Variants in TTC23L observed in about 807,000 individuals in gnomAD.
TTC23L encodes the protein tetratricopeptide repeat domain 23 like.
TTC23L carries 42 observed loss-of-function variants against 48.1 expected under a neutral mutation model. The observed-to-expected ratio is 0.87, with a 90% CI of 0.68 to 1.13. The LOEUF is 1.13. Among genes scored for constraint, TTC23L ranks in the 50% most tolerant of loss-of-function variants. The pLI, the probability that TTC23L is intolerant of heterozygous loss-of-function variation, is 0.00. For missense variants in TTC23L, 391 were observed against 421.0 expected (o/e 0.93, Z 0.62); for synonymous variants, 159 against 157.2 (o/e 1.01, Z -0.09).
intron 9 of TTC23L, among the ~76,000 whole-genome samples, chr5:34,890,973 CCT>C (rs1159385556): frequency 1.8e-4 from 27 of 152,240 alleles, no homozygotes; most frequent in Middle Eastern, 6.8e-3. Flanking sequence ...ACTCCCTCAG[CCT>C]CTGTTTATTC....
intron 9 of TTC23L, among the ~76,000 whole-genome samples, chr5:34,889,233 C>T (rs910511781): frequency 3.9e-5 from 6 of 152,206 alleles, no homozygotes; most frequent in Admixed American, 3.3e-4. Flanking sequence ...CACAAATACC[C>T]GGTGTGATAG....
chr5:34,893,279 G>T (rs1224575321), intron 9 of TTC23L, among the ~76,000 whole-genome samples: 1 of 152,174 alleles, frequency 6.6e-6, no homozygotes, highest in Non-Finnish European at 1.5e-5. Context: ...TTGGCAAGAG[G>T]AATAATCTTG....
chr5:34,857,619 TACTC>T (rs1236383672), intron 4 of TTC23L, among the ~76,000 whole-genome samples: 1 of 152,194 alleles, frequency 6.6e-6, no homozygotes, highest in Non-Finnish European at 1.5e-5. Flanking sequence ...TATAGTAAAT[TACTC>T]AATAAGAGAA....
At chr5:34,896,315 G>A (rs1763222172) in intron 9 of TTC23L, among the ~76,000 whole-genome samples, 1 of 152,154 alleles carries the variant, frequency 6.6e-6, no homozygotes, top group Non-Finnish European at 1.5e-5. Flanking sequence ...CAAAAGGCTG[G>A]GTTTGGTGGA....
At chr5:34,881,794 C>T (rs1762241241) in intron 9 of TTC23L, among the ~76,000 whole-genome samples, 1 of 143,394 alleles carries the variant, frequency 7.0e-6, no homozygotes, top group Non-Finnish European at 1.5e-5. Context: ...GAGACAGAGT[C>T]ACTCTGTTGC....
rs139187323 is a variant in TTC23L, at chr5:34,896,945, G to A, written c.*97+70G>A. The A allele has an allele frequency of 7.4e-4, 463 of 623,390 alleles. 5 individuals carry two copies. In the African/African-American group the frequency reaches 7.5e-3, roughly 10 times the overall value. 38.6% of individuals were successfully genotyped at this position (623,390 alleles called of 1,614,324 possible). A position where few individuals can be genotyped will look rare whatever the true frequency, so the allele number is the denominator to read the frequency against. On this transcript the variant is annotated intron_variant, in intron 10 of 10. Transcript: ENST00000505624. ...GGGCTGCAAGAAATGCTGATTCCAA[G>A]GGATGTGTGCCAGTTCTCTGGGGGA...
At chr5:34,899,937 T>C (rs926269319), downstream of TTC23L, among the ~76,000 whole-genome samples, 1 of 152,146 alleles carries the variant, frequency 6.6e-6, no homozygotes, top group South Asian at 2.1e-4. Context: ...AGGATCCTGA[T>C]CTATGACTTG....
At chr5:34,861,103 G>A (rs1338518401) in intron 4 of TTC23L, 1 of 152,344 alleles carries the variant, frequency 6.6e-6, no homozygotes, top group Non-Finnish European at 1.5e-5. Flanking sequence ...TAGTAGCTGG[G>A]ACTTCAGGTG....
chr5:34,908,692 A>G, the TTC23L span: 1 of 1,325,990 alleles, frequency 7.5e-7, no homozygotes, highest in Non-Finnish European at 1.0e-6. Context: ...ATGAAATGAC[A>G]AAGAGTACTG....
chr5:34,897,010 A>G, intron 10 of TTC23L, 135 bp downstream of exon 10: 1 of 534,740 alleles, frequency 1.9e-6, no homozygotes, highest in South Asian at 3.0e-5. Context: ...AAATCATTTA[A>G]GGAAAAAAAA....
intron 4 of TTC23L, among the ~76,000 whole-genome samples, chr5:34,855,437 A>C (rs1264761966): frequency 1.3e-5 from 2 of 152,238 alleles, no homozygotes; most frequent in Non-Finnish European, 2.9e-5. Flanking sequence ...AAGCCATCTC[A>C]GTCATCTAGG....
At chr5:34,866,842 A>C in intron 6 of TTC23L, 50 bp from the exon 7 acceptor site, 2 of 1,485,510 alleles carry the variant, frequency 1.3e-6, no homozygotes, top group Non-Finnish European at 1.8e-6. Flanking sequence ...TTGTGTCTGC[A>C]AAGTAAGTGG....
rs373580486 is a variant in TTC23L, at chr5:34,841,887, T to C, written c.68+1148T>C. 1.7e-4 allele frequency among the ~76,000 whole-genome samples: 26 copies of C among 152,342 alleles called. 1 individual carries two copies. In the South Asian group the frequency reaches 5.4e-3, roughly 32 times the overall value. On this transcript the variant is annotated intron_variant, in intron 2 of 10. Coordinates refer to ENST00000505624, the Ensembl canonical transcript of TTC23L. Reference sequence around the variant, plus strand: ...CTGCACTGTTGACATTGGGGTTGGATAACTGTTTGTTGTGGAGGGCTGTCC... The same window carrying C: ...CTGCACTGTTGACATTGGGGTTGGACAACTGTTTGTTGTGGAGGGCTGTCC...
chr5:34,851,888 G>A (rs1310041327), intron 4 of TTC23L, among the ~76,000 whole-genome samples: 1 of 152,116 alleles, frequency 6.6e-6, no homozygotes, highest in Admixed American at 6.5e-5. Context: ...GCACACAGGG[G>A]TCTTATGATA....
the TTC23L span, among the ~76,000 whole-genome samples, chr5:34,924,659 G>C: frequency 6.6e-6 from 1 of 152,050 alleles, no homozygotes; most frequent in African/African-American, 2.4e-5. Flanking sequence ...ATTTTTCCAT[G>C]ACAACTTCCT....
chr5:34,909,068 A>G, the TTC23L span: 1 of 1,076,636 alleles, frequency 9.3e-7, no homozygotes, highest in East Asian at 2.4e-5. Flanking sequence ...CCAATTTGCT[A>G]ATATTTTCTG....
chr5:34,894,888 T>TGAC (rs897499665), intron 9 of TTC23L, among the ~76,000 whole-genome samples: 60 of 146,482 alleles, frequency 4.1e-4, no homozygotes, highest in African/African-American at 1.5e-3. Context: ...GTGTTAATGA[T>TGAC]GATGATGATG....
the TTC23L span, chr5:34,908,952 T>C: frequency 1.3e-6 from 2 of 1,597,368 alleles, no homozygotes; most frequent in South Asian, 2.3e-5. Context: ...CTTGTATCTG[T>C]AGAAGAAAAA....
intron 4 of TTC23L, among the ~76,000 whole-genome samples, chr5:34,850,898 G>A (rs1424365517): frequency 1.3e-5 from 2 of 152,164 alleles, no homozygotes; most frequent in Non-Finnish European, 2.9e-5. Context: ...TGTAGTACAG[G>A]CTGAATAAAT....
Sources: gnomAD v4.1 joint callset for allele counts (sites outside exome capture counted in the v4.1 genomes callset) on GRCh38, gnomAD v4.1.1 for gene constraint, MANE v1.5 for transcripts, NCBI Gene and HGNC (gene_info 2026-07-23, HGNC 2026-07-21) for gene names.